Variants in MBOAT1 observed in about 807,000 individuals in gnomAD.
MBOAT1 encodes membrane-bound glycerophospholipid O-acyltransferase 1.
MBOAT1 carries 67 observed loss-of-function variants against 64.4 expected under a neutral mutation model. The ratio of observed to expected loss-of-function variants is 1.04; its 90% CI spans 0.85 to 1.27. The LOEUF (loss-of-function observed/expected upper bound fraction) is 1.27, where lower values mean the gene tolerates loss of function less well. Among genes scored for constraint, MBOAT1 ranks in the 50% most tolerant of loss-of-function variants. The pLI is 0.00. For synonymous variants in MBOAT1, 229 were observed against 218.9 expected, an observed-to-expected ratio of 1.05 and a Z score of -0.41; for missense variants, 563 against 604.6, an observed-to-expected ratio of 0.93 and a Z score of 0.72.
chr6:20,201,468 T>G (rs898889884), intron 1 of MBOAT1, among the ~76,000 whole-genome samples: 4 of 152,016 alleles, frequency 2.6e-5, no homozygotes, highest in African/African-American at 7.3e-5. Flanking sequence ...ACCATGGAAA[T>G]CTGGCCAGCT....
intron 1 of MBOAT1, among the ~76,000 whole-genome samples, chr6:20,168,491 CAG>C (rs1054298582): frequency 3.3e-4 from 36 of 108,908 alleles, no homozygotes; most frequent in Admixed American, 6.8e-4. Context: ...GAGACAGAGA[CAG>C]AGAGAGAGAG....
intron 10 of MBOAT1, 71 bp downstream of exon 10, chr6:20,115,217 G>A: frequency 8.8e-7 from 1 of 1,130,602 alleles, no homozygotes; most frequent in Non-Finnish European, 1.4e-6. Context: ...GACTCCCACT[G>A]TTCATCTACT....
At chr6:20,121,305 C>T (rs58035853) in intron 8 of MBOAT1, among the ~76,000 whole-genome samples, 22,699 of 152,144 alleles carry the variant, frequency 0.15, 2,196 homozygotes, top group East Asian at 0.41. Flanking sequence ...TTCCCTGATA[C>T]ACTATTCATT....
intron 1 of MBOAT1, among the ~76,000 whole-genome samples, chr6:20,194,629 G>A (rs915206694): frequency 6.6e-6 from 1 of 152,146 alleles, no homozygotes; most frequent in African/African-American, 2.4e-5. Flanking sequence ...TGTTGATGCT[G>A]ACTTTGATCA....
At chr6:20,199,716 T>C (rs1430527916) in intron 1 of MBOAT1, among the ~76,000 whole-genome samples, 1 of 152,214 alleles carries the variant, frequency 6.6e-6, no homozygotes, top group Non-Finnish European at 1.5e-5. Context: ...ACGCCCATAA[T>C]CCCAGCACTT....
At chr6:20,118,364 TG>T in intron 9 of MBOAT1, 72 bp downstream of exon 9, 1 of 1,216,280 alleles carries the variant, frequency 8.2e-7, no homozygotes, top group South Asian at 1.2e-5. Context: ...TGAAGCATTC[TG>T]GGGATACAAC....
At chr6:20,168,798 G>A (rs191405140) in intron 1 of MBOAT1, among the ~76,000 whole-genome samples, 46 of 123,772 alleles carry the variant, frequency 3.7e-4, no homozygotes, top group African/African-American at 1.2e-3. Flanking sequence ...GAAGGGAAAA[G>A]GGGGGAGGGG....
intron 1 of MBOAT1, among the ~76,000 whole-genome samples, chr6:20,207,136 G>T (rs1429711281): frequency 6.6e-6 from 1 of 152,204 alleles, no homozygotes; most frequent in Non-Finnish European, 1.5e-5. Flanking sequence ...TTGACAGTAG[G>T]TTGATTATAC....
intron 4 of MBOAT1, among the ~76,000 whole-genome samples, chr6:20,142,815 A>G (rs1345991996): frequency 1.3e-5 from 2 of 152,180 alleles, no homozygotes; most frequent in African/African-American, 2.4e-5. Context: ...ACGCTCCACA[A>G]TGTGGCGGAG....
intron 1 of MBOAT1, among the ~76,000 whole-genome samples, chr6:20,172,499 C>T (rs1019085874): frequency 6.6e-6 from 1 of 152,196 alleles, no homozygotes; most frequent in Non-Finnish European, 1.5e-5. Context: ...ATACTATCTA[C>T]ACCCTCCAAA....
At chr6:20,117,416 G>A (rs1191966134) in intron 9 of MBOAT1, among the ~76,000 whole-genome samples, 3 of 152,020 alleles carry the variant, frequency 2.0e-5, no homozygotes, top group African/African-American at 7.3e-5. Flanking sequence ...GCCTTTTGAA[G>A]TAGTGCTGTC....
intron 8 of MBOAT1, among the ~76,000 whole-genome samples, chr6:20,121,768 G>A (rs1760499079): frequency 6.6e-6 from 1 of 152,046 alleles, no homozygotes. Flanking sequence ...GGGTGAGGCA[G>A]CAGAAGATAG....
At chr6:20,128,308 T>C (rs982243435) in intron 6 of MBOAT1, among the ~76,000 whole-genome samples, 2 of 152,116 alleles carry the variant, frequency 1.3e-5, no homozygotes, top group Non-Finnish European at 1.5e-5. Context: ...TTAATCACAC[T>C]GACATTGATC....
chr6:20,106,161 A>G (rs1432520661), intron 12 of MBOAT1, among the ~76,000 whole-genome samples: 2 of 152,280 alleles, frequency 1.3e-5, no homozygotes, highest in Non-Finnish European at 2.9e-5. Flanking sequence ...GCCTGCCTTC[A>G]CTAAAAAGCT....
At position 20,100,600 on chromosome 6, in the gene MBOAT1, C is replaced by T. The variant is rs921874416; in HGVS notation, c.*1686G>A. ...TTTACATGCTGTAGAGGAACAGGCACATCACATTCACATTTCACTATCCTA... is the reference window on the plus strand; with the variant it reads ...TTTACATGCTGTAGAGGAACAGGCATATCACATTCACATTTCACTATCCTA... On this transcript the variant is annotated 3_prime_UTR_variant, in exon 13 of 13. Coordinates refer to ENST00000324607, the MANE Select transcript of MBOAT1 (RefSeq NM_001080480.3). 6.6e-6 allele frequency among the ~76,000 whole-genome samples: 1 copy of T among 152,190 alleles called. No individual in the cohort carries two copies. Among genetic ancestry groups the T allele is most frequent in the Non-Finnish European group, 1.5e-5 (1 of 68,036 alleles).
intron 1 of MBOAT1, among the ~76,000 whole-genome samples, chr6:20,199,709 C>T (rs1763065004): frequency 6.6e-6 from 1 of 152,332 alleles, no homozygotes; most frequent in Admixed American, 6.5e-5. Flanking sequence ...GTGGCTCACG[C>T]CCATAATCCC....
rs72826629 is a variant in MBOAT1, at chr6:20,196,882, C to A, written c.99+15254G>T. Among the ~76,000 whole-genome samples the A allele has an allele frequency of 9.9e-3, 1,444 of 145,998 alleles. 15 individuals are homozygous for A. Among genetic ancestry groups the A allele is most frequent in the African/African-American group, 0.031 (1,212 of 39,696 alleles). ...CATCTCAAAAAAAAAAACAAACAAA[C>A]AAAAAAAAAACTGAACTGTACACTT... On this transcript the variant is annotated intron_variant, in intron 1 of 12. Transcript: ENST00000324607.
At chr6:20,111,846 A>ACATATATATATACATATATATG (rs1760162783) in intron 11 of MBOAT1, among the ~76,000 whole-genome samples, 1 of 135,268 alleles carries the variant, frequency 7.4e-6, no homozygotes, top group African/African-American at 3.0e-5. Context: ...ACATATATAT[A>ACATATATATATACATATATATG]CATATATATA....
chr6:20,175,750 G>A (rs1207751347), intron 1 of MBOAT1, among the ~76,000 whole-genome samples: 1 of 151,786 alleles, frequency 6.6e-6, no homozygotes, highest in African/African-American at 2.4e-5. Context: ...AGGATTACAG[G>A]CATGAGCCAC....
Sources: allele counts gnomAD v4.1 joint callset (sites outside exome capture counted in the v4.1 genomes callset), GRCh38; gene constraint gnomAD v4.1.1; transcripts MANE v1.5; gene names NCBI Gene and HGNC (gene_info 2026-07-23, HGNC 2026-07-21).